The following TUBA4B variants were observed in gnomAD, a reference collection of about 807,000 sequenced individuals.
TUBA4B encodes tubulin-like protein alpha-4B.
Under a neutral mutation model 18.4 loss-of-function variants are expected in TUBA4B, and 13 were observed. That is an observed-to-expected ratio of 0.71 (90% CI 0.46 to 1.12). The LOEUF (loss-of-function observed/expected upper bound fraction) is 1.12, where lower values mean the gene tolerates loss of function less well. Among genes scored for constraint, TUBA4B ranks in the 50% most tolerant of loss-of-function variants. The pLI is 0.00. For synonymous variants in TUBA4B, 101 were observed against 99.1 expected (o/e 1.02, Z -0.11); for missense variants, 244 against 250.0 (o/e 0.98, Z 0.16).
At chr2:219,260,602 C>T (rs1039122285) in intron 1 of TUBA4B, among the ~76,000 whole-genome samples, 1 of 152,178 alleles carries the variant, frequency 6.6e-6, no homozygotes, top group African/African-American at 2.4e-5. Context: ...CTACCCTCAC[C>T]CCACTCCCTG....
In TUBA4B at chr2:219,271,904, A is replaced by G; in HGVS notation, c.*205A>G. The G allele has an allele frequency of 2.1e-6, 3 of 1,438,848 alleles. No homozygotes were observed. Among genetic ancestry groups the G allele is most frequent in the Non-Finnish European group, 2.9e-6 (3 of 1,020,618 alleles). The allele number at this position is 1,438,848 out of a possible 1,614,324, so 89.1% of individuals were successfully genotyped here. A position where few individuals can be genotyped will look rare whatever the true frequency, so the allele number is the denominator to read the frequency against. ...CCTGGGAGTGACCTGGTAAAGTGCA[A>G]CGTGCCATGTGCATGCTGAGCAACA... is the stretch of plus-strand genomic sequence containing the variant. On this transcript the variant is annotated 3_prime_UTR_variant, in exon 4 of 4. Transcript: ENST00000490341.
Position 219,256,844 on chromosome 2 carries a change from A to G in TUBA4B, c.12+3425A>G, listed in dbSNP as rs1015645085. ...CTCTACCAAAAAATAAAAATTATAA[A>G]ATAAAGAAGAGGTCAAAAGTAAGTA... On this transcript the variant is annotated intron_variant, in intron 1 of 3. Transcript: ENST00000490341. Among the ~76,000 whole-genome samples the G allele has an allele frequency of 5.7e-4, 86 of 152,180 alleles. 1 individual carries two copies. Among genetic ancestry groups the G allele is most frequent in the African/African-American group, 1.6e-3 (67 of 41,500 alleles).
intron 1 of TUBA4B, chr2:219,253,965 G>C: frequency 1.6e-5 from 16 of 1,010,674 alleles, no homozygotes; most frequent in Non-Finnish European, 2.1e-5. Flanking sequence ...GGGGGGCGGG[G>C]CCCGCGTTCC....
At position 219,270,269 on chromosome 2, in the gene TUBA4B, T is replaced by C; in HGVS notation, c.126T>C (p.Tyr42=). The change falls in exon 3 of 4, where the codon TAT becomes TAC. Residue 42 remains tyrosine, a synonymous_variant. Transcript: ENST00000490341. ...ITGKEDAANN[Y]AWGHYTIGKE... is the part of the protein sequence containing the mutation. ...GCAAGGAAGATGCTGCCAATAACTA[T>C]GCCTGGGGCCACTACACCATTGGGA... The C allele has an allele frequency of 1.3e-6, 1 of 769,240 alleles. No homozygotes were observed. 47.7% of individuals were successfully genotyped at this position (769,240 alleles called of 1,614,324 possible).
At position 219,271,495 on chromosome 2, in the gene TUBA4B, C is replaced by T; in HGVS notation, c.522C>T (p.Val174=). The T allele has an allele frequency of 6.2e-7, 1 of 1,614,200 alleles. No individual in the cohort carries two copies. The highest frequency in any genetic ancestry group is 8.5e-7 in the Non-Finnish European group (1 of 1,180,022). Residue 174 remains valine, a synonymous_variant, in exon 4 of 4, where the codon GTC becomes GTT. Coordinates refer to ENST00000490341, the MANE Select transcript of TUBA4B (RefSeq NM_001355221.1). ...TNLNRLISQI[V]SSITASLRFD... Reference sequence around the variant, plus strand: ...TCAATCGCCTCATTAGCCAAATTGTCTCCTCCATCACAGCTTCTCTGCGCT... The same window carrying T: ...TCAATCGCCTCATTAGCCAAATTGTTTCCTCCATCACAGCTTCTCTGCGCT...
At chr2:219,262,087 G>A (rs546134126) in intron 1 of TUBA4B, among the ~76,000 whole-genome samples, 27 of 152,300 alleles carry the variant, frequency 1.8e-4, no homozygotes, top group Admixed American at 4.6e-4. Context: ...CGAGGCGGGC[G>A]GATCATGAGG....
rs980864562 is a variant in TUBA4B, at chr2:219,266,534, A to G, written c.26A>G (p.Gln9Arg). ...ACTATCCTGCAGCAGACAGAGAGACAAGACCCCAGCCAGCCCCTGTCCAGG... is the reference window on the plus strand; with the variant it reads ...ACTATCCTGCAGCAGACAGAGAGACGAGACCCCAGCCAGCCCCTGTCCAGG... MRHQQTER[Q>R]DPSQPLSRQH... The change falls in exon 2 of 4, where the codon CAA (glutamine) becomes CGA (arginine). Residue 9 changes from glutamine (Q) to arginine (R), a missense_variant. By Grantham distance (43) the Gln-to-Arg change is conservative. Coordinates refer to ENST00000490341, the MANE Select transcript of TUBA4B (RefSeq NM_001355221.1). 1.4e-6 allele frequency: 1 copy of G among 702,998 alleles called. No homozygotes were observed. Among genetic ancestry groups the G allele is most frequent in the East Asian group, 2.7e-5 (1 of 37,284 alleles). The allele number at this position is 702,998 out of a possible 1,614,324, so 43.5% of individuals were successfully genotyped here. A position where few individuals can be genotyped will look rare whatever the true frequency, so the allele number is the denominator to read the frequency against.
In TUBA4B at chr2:219,271,982, G is replaced by A. The variant is rs1202897904; in HGVS notation, c.*283G>A. ...GCCTGGACCACAAGTTTGACCTGAT[G>A]TATGCCAAGAGGGCGTTTGGGCACT... On this transcript the variant is annotated 3_prime_UTR_variant, in exon 4 of 4. Transcript: ENST00000490341. 1 of 1,523,890 alleles carries A rather than the reference G, an allele frequency of 6.6e-7. No individual in the cohort carries two copies. Among genetic ancestry groups the A allele is most frequent in the Non-Finnish European group, 9.1e-7 (1 of 1,098,602 alleles). The allele number at this position is 1,523,890 out of a possible 1,614,324, so 94.4% of individuals were successfully genotyped here.
chr2:219,262,322 AAAAACAAAAC>A (rs527615788), intron 1 of TUBA4B, among the ~76,000 whole-genome samples: 3 of 152,152 alleles, frequency 2.0e-5, no homozygotes, highest in East Asian at 1.9e-4. Context: ...ACTCTGTCTC[AAAAACAAAAC>A]AAAACAAAAC....
At position 219,258,366 on chromosome 2, in the gene TUBA4B, G is replaced by T. The variant is rs551951978; in HGVS notation, c.12+4947G>T. 3.9e-5 allele frequency among the ~76,000 whole-genome samples: 6 copies of T among 152,116 alleles called. No homozygotes were observed. The East Asian group carries it at 9.7e-4, about 24-fold the overall frequency. ...CACAAGGTCTGGCTCTATCACCCAG[G>T]CTGGAGTGCAGTGACGCAATCTTGG... On this transcript the variant is annotated intron_variant, in intron 1 of 3. Transcript: ENST00000490341.
rs185762256 is a variant in TUBA4B at position 219,270,048 on chromosome 2, A to C, written c.59-154A>C. Among the ~76,000 whole-genome samples, 256 of 152,252 alleles carry C rather than the reference A, an allele frequency of 1.7e-3. 1 individual carries two copies. Among genetic ancestry groups the C allele is most frequent in the Middle Eastern group, 6.8e-3 (2 of 294 alleles). ...TTATTGAAAAACACATCCAAGCAGC[A>C]CAAACACATCCAAGCAGGTAATAGC... is the stretch of plus-strand genomic sequence containing the variant. On this transcript the variant is annotated intron_variant, in intron 2 of 3. Transcript: ENST00000490341.
In TUBA4B at chr2:219,270,484, A is replaced by AT. The variant is rs1951818785; in HGVS notation, c.192+150dup. 7 of 609,240 alleles carry AT rather than the reference A, an allele frequency of 1.1e-5. No homozygotes were observed. The East Asian group carries it at 1.4e-4, about 12-fold the overall frequency. The allele number at this position is 609,240 out of a possible 1,614,324, so 37.7% of individuals were successfully genotyped here. ...CAATGAGGAGAGGCCCTGCACTCTG[A>AT]TCGGGGGGCCAACTGTAGGTTCCAG... On this transcript the variant is annotated intron_variant, in intron 3 of 3. Coordinates refer to ENST00000490341, the MANE Select transcript of TUBA4B (RefSeq NM_001355221.1).
At chr2:219,269,225 G>A (rs1951809985) in intron 2 of TUBA4B, among the ~76,000 whole-genome samples, 1 of 152,156 alleles carries the variant, frequency 6.6e-6, no homozygotes, top group Non-Finnish European at 1.5e-5. Flanking sequence ...TGGAGTTAAT[G>A]TCTCCTGTGC....
Position 219,270,280 on chromosome 2 carries a change from A to G in TUBA4B, c.137A>G (p.His46Arg), listed in dbSNP as rs1326076769. The change falls in exon 3 of 4, where the codon CAC (histidine) becomes CGC (arginine). Residue 46 changes from histidine to arginine, a missense_variant. By Grantham distance (29) the His-to-Arg change is conservative. Coordinates refer to ENST00000490341, the MANE Select transcript of TUBA4B (RefSeq NM_001355221.1). ...GCTGCCAATAACTATGCCTGGGGCC[A>G]CTACACCATTGGGAAGGAGTTCATC... ...EDAANNYAWG[H>R]YTIGKEFIDL... is the part of the protein sequence containing the mutation. 1 of 766,660 alleles carries G rather than the reference A, an allele frequency of 1.3e-6. No individual in the cohort carries two copies. Among genetic ancestry groups the G allele is most frequent in the Non-Finnish European group, 2.4e-6 (1 of 413,048 alleles). 47.5% of individuals were successfully genotyped at this position (766,660 alleles called of 1,614,324 possible).
At chr2:219,271,024 A>T (rs570878247) in intron 3 of TUBA4B, 142 bp from the exon 4 acceptor site, 2 of 602,784 alleles carry the variant, frequency 3.3e-6, no homozygotes, top group African/African-American at 3.7e-5. Flanking sequence ...GACCCACTCT[A>T]TGAGGATCTC....
chr2:219,262,226 G>A (rs1205567003), intron 1 of TUBA4B, among the ~76,000 whole-genome samples: 1 of 152,226 alleles, frequency 6.6e-6, no homozygotes, highest in East Asian at 1.9e-4. Context: ...CAGGAGAATG[G>A]CGTGAACCCA....
chr2:219,266,538 C>G lies in TUBA4B; in HGVS notation c.30C>G (p.Asp10Glu). ...TCCTGCAGCAGACAGAGAGACAAGA[C>G]CCCAGCCAGCCCCTGTCCAGGCAGC... MRHQQTERQ[D>E]PSQPLSRQHG... The change falls in exon 2 of 4, where the codon GAC (aspartate) becomes GAG (glutamate). Residue 10 changes from aspartate to glutamate, a missense_variant. Coordinates refer to ENST00000490341, the MANE Select transcript of TUBA4B (RefSeq NM_001355221.1). 1.4e-6 allele frequency: 1 copy of G among 703,000 alleles called. No individual in the cohort carries two copies. Among genetic ancestry groups the G allele is most frequent in the Non-Finnish European group, 2.6e-6 (1 of 384,972 alleles). 43.5% of individuals were successfully genotyped at this position (703,000 alleles called of 1,614,324 possible). A position where few individuals can be genotyped will look rare whatever the true frequency, so the allele number is the denominator to read the frequency against.
At chr2:219,257,462 G>T (rs1436986184) in intron 1 of TUBA4B, among the ~76,000 whole-genome samples, 2 of 148,110 alleles carry the variant, frequency 1.4e-5, no homozygotes, top group Admixed American at 6.8e-5. Flanking sequence ...CCAACATAGT[G>T]AAACCCCGTC....
intron 1 of TUBA4B, chr2:219,254,268 G>T (rs902427046): frequency 5.2e-5 from 9 of 171,538 alleles, no homozygotes; most frequent in African/African-American, 2.1e-4. Flanking sequence ...TCTGACTTAG[G>T]TCGGGAGCAG....
Sources: gnomAD v4.1 joint callset for allele counts (sites outside exome capture counted in the v4.1 genomes callset) on GRCh38, gnomAD v4.1.1 for gene constraint, MANE v1.5 for transcripts, NCBI Gene and HGNC (gene_info 2026-07-23, HGNC 2026-07-21) for gene names.